Variants in DACH2 observed in about 807,000 individuals in gnomAD.
The protein encoded by DACH2 is dachshund homolog 2.
A neutral mutation model predicts 35.8 loss-of-function variants in DACH2; 17 were observed. The ratio of observed to expected loss-of-function variants is 0.48; its 90% confidence interval spans 0.33 to 0.71. DACH2 has a LOEUF of 0.71. Among genes scored for constraint, DACH2 ranks in the 30% least tolerant of loss-of-function variants. The pLI is 0.02. For missense variants in DACH2, 469 were observed against 472.7 expected (o/e 0.99, Z 0.07); for synonymous variants, 195 against 177.3 (o/e 1.10, Z -0.79).
intron 1 of DACH2, among the ~76,000 whole-genome samples, chrX:86,356,410 G>A (rs184482046): frequency 9.8e-4 from 109 of 111,071 alleles, no homozygotes; most frequent in African/African-American, 3.2e-3. Flanking sequence ...TTTTTTAGCA[G>A]TACCATGTTG....
chrX:86,165,312 T>C (rs985051878), intron 1 of DACH2, among the ~76,000 whole-genome samples: 4 of 111,779 alleles, frequency 3.6e-5, no homozygotes, highest in African/African-American at 9.7e-5. Flanking sequence ...ATCTCTTCGA[T>C]ATACTGATTT....
At chrX:86,387,540 T>C (rs2036138960) in intron 2 of DACH2, among the ~76,000 whole-genome samples, 2 of 111,763 alleles carry the variant, frequency 1.8e-5, no homozygotes, top group South Asian at 7.4e-4. Flanking sequence ...GAAGTCTCTA[T>C]TTTTTTAATC....
At chrX:86,686,591 A>G (rs1207726123) in intron 4 of DACH2, among the ~76,000 whole-genome samples, 2 of 111,775 alleles carry the variant, frequency 1.8e-5, no homozygotes, top group African/African-American at 6.5e-5. Flanking sequence ...ATACCAAGAT[A>G]AATATGACAA....
chrX:86,331,946 C>A (rs1003740299), intron 1 of DACH2, among the ~76,000 whole-genome samples: 2 of 111,284 alleles, frequency 1.8e-5, no homozygotes, highest in Non-Finnish European at 3.8e-5. Context: ...TTCCTATCTG[C>A]GTTTATAAGA....
chrX:86,546,349 T>C (rs1194027824), intron 3 of DACH2, among the ~76,000 whole-genome samples: 2 of 70,339 alleles, frequency 2.8e-5, no homozygotes, highest in African/African-American at 1.4e-4. Context: ...CTCTTCTTCT[T>C]CTTCTTCCTC....
intron 2 of DACH2, among the ~76,000 whole-genome samples, chrX:86,513,916 T>A (rs1301972236): frequency 8.9e-6 from 1 of 111,792 alleles, no homozygotes; most frequent in Non-Finnish European, 1.9e-5. Context: ...CTTAATTCTG[T>A]GAGTCACTAT....
In DACH2 at chrX:86,199,765, A is replaced by T. The variant is rs2032097128; in HGVS notation, c.488+50657A>T. ...AAGGTGAAAGATCTCTACAAGGAGA[A>T]CTACAAACAACTGCTTAATGAAATC... On this transcript the variant is annotated intron_variant, in intron 1 of 11. Transcript: ENST00000373125. Among the ~76,000 whole-genome samples the T allele has an allele frequency of 3.6e-5, 4 of 111,860 alleles. No homozygotes were observed. The Middle Eastern group carries it at 0.019, about 518-fold the overall frequency.
intron 2 of DACH2, among the ~76,000 whole-genome samples, chrX:86,503,447 A>G (rs779549084): frequency 1.2e-4 from 13 of 112,341 alleles, no homozygotes; most frequent in East Asian, 2.8e-4. Flanking sequence ...GATTTCATGC[A>G]TATTTTTGTA....
intron 2 of DACH2, among the ~76,000 whole-genome samples, chrX:86,381,215 T>C (rs2036041333): frequency 9.1e-6 from 1 of 110,389 alleles, no homozygotes; most frequent in East Asian, 2.8e-4. Flanking sequence ...ATACAAGAGG[T>C]CCCATTTCCT....
chrX:86,528,505 T>C (rs748222218), intron 3 of DACH2, among the ~76,000 whole-genome samples: 27 of 111,881 alleles, frequency 2.4e-4, no homozygotes, highest in African/African-American at 8.4e-4. Context: ...CTTAAGATAT[T>C]ACACCTCATT....
chrX:86,153,828 T>C (rs894977410), intron 1 of DACH2, among the ~76,000 whole-genome samples: 12 of 111,606 alleles, frequency 1.1e-4, no homozygotes, highest in Non-Finnish European at 2.1e-4. Context: ...TAACCAACAG[T>C]TTTGTATTTA....
At chrX:86,419,063 C>G (rs2036757108) in intron 2 of DACH2, among the ~76,000 whole-genome samples, 1 of 111,594 alleles carries the variant, frequency 9.0e-6, no homozygotes, top group South Asian at 3.8e-4. Context: ...CTGAGTCCAC[C>G]TCAGCCTGGA....
intron 1 of DACH2, among the ~76,000 whole-genome samples, chrX:86,261,275 T>A (rs968908959): frequency 7.1e-5 from 8 of 112,071 alleles, no homozygotes; most frequent in African/African-American, 2.3e-4. Flanking sequence ...ACGTTTGCAG[T>A]GAAGGTAGTA....
chrX:86,542,309 G>T (rs761315547), intron 3 of DACH2, among the ~76,000 whole-genome samples: 1 of 111,541 alleles, frequency 9.0e-6, no homozygotes, highest in Non-Finnish European at 1.9e-5. Context: ...AGGTGTTTGG[G>T]CCATGAGTGT....
chrX:86,185,741 T>C (rs1049863363), intron 1 of DACH2, among the ~76,000 whole-genome samples: 19 of 111,922 alleles, frequency 1.7e-4, no homozygotes, highest in African/African-American at 5.8e-4. Context: ...CAAATAAATG[T>C]TAAATAATTT....
chrX:86,708,672 A>C (rs1318777845), intron 5 of DACH2, among the ~76,000 whole-genome samples: 1 of 110,435 alleles, frequency 9.1e-6, no homozygotes, highest in Non-Finnish European at 1.9e-5. Flanking sequence ...GGAAGTACTT[A>C]ATGGGTACAG....
intron 1 of DACH2, among the ~76,000 whole-genome samples, chrX:86,311,287 T>C (rs1209778670): frequency 2.7e-5 from 3 of 111,921 alleles, no homozygotes. Flanking sequence ...CCACACAGCA[T>C]TGCCTCTGAT....
chrX:86,233,982 CAG>C (rs2033004218), intron 1 of DACH2, among the ~76,000 whole-genome samples: 2 of 111,868 alleles, frequency 1.8e-5, no homozygotes, highest in South Asian at 7.5e-4. Flanking sequence ...GGAGGGGACA[CAG>C]AGCCAAACCA....
chrX:86,452,258 G>C (rs903330703), intron 2 of DACH2, among the ~76,000 whole-genome samples: 1 of 111,780 alleles, frequency 8.9e-6, no homozygotes, highest in Non-Finnish European at 1.9e-5. Context: ...TTGCATCAAT[G>C]TTCATCAAGT....
Sources: allele counts gnomAD v4.1 joint callset (sites outside exome capture counted in the v4.1 genomes callset), GRCh38; gene constraint gnomAD v4.1.1; transcripts MANE v1.5; gene names NCBI Gene and HGNC (gene_info 2026-07-23, HGNC 2026-07-21).